The following FHIT variants were observed in gnomAD, a reference collection of about 807,000 sequenced individuals.
FHIT encodes bis(5'-adenosyl)-triphosphatase.
In FHIT, 19 loss-of-function variants were observed where a neutral mutation model predicts 17.9. That is an observed-to-expected ratio of 1.06 (90% CI 0.74 to 1.56). FHIT has a LOEUF of 1.56. FHIT is among the 40% of genes most tolerant of loss of function. The probability of loss-of-function intolerance (pLI) is 0.00; values close to 1 mark genes in which losing one functional copy is unlikely to be tolerated. For missense variants in FHIT, 248 were observed against 189.2 expected, an observed-to-expected ratio of 1.31 and a Z score of -1.82; for synonymous variants, 81 against 69.7, an observed-to-expected ratio of 1.16 and a Z score of -0.81.
rs80203148 is a variant in FHIT, at chr3:60,398,385, C to T, written c.103+138475G>A. Among the ~76,000 whole-genome samples the T allele has an allele frequency of 2.6e-5, 4 of 152,080 alleles. No homozygotes were observed. The East Asian group carries it at 7.7e-4, about 29-fold the overall frequency. On this transcript the variant is annotated intron_variant, in intron 5 of 9. Transcript: ENST00000492590. ...AAAGGACAATGCCAGTGTCCATGCT[C>T]TAAGAAAAATTTCAGCCAGCAAGAA...
At chr3:60,647,781 T>C (rs1553687165) in intron 4 of FHIT, among the ~76,000 whole-genome samples, 1 of 152,138 alleles carries the variant, frequency 6.6e-6, no homozygotes, top group Admixed American at 6.5e-5. Context: ...TACAGAAATA[T>C]GTAGAATACA....
At chr3:59,789,046 T>C (rs1460924512) in intron 8 of FHIT, among the ~76,000 whole-genome samples, 3 of 152,094 alleles carry the variant, frequency 2.0e-5, no homozygotes, top group Non-Finnish European at 4.4e-5. Flanking sequence ...TTTATCAACC[T>C]TTGCTACTTA....
intron 4 of FHIT, among the ~76,000 whole-genome samples, chr3:60,817,197 TG>T (rs1319549830): frequency 6.6e-6 from 1 of 152,100 alleles, no homozygotes; most frequent in Non-Finnish European, 1.5e-5. Flanking sequence ...GGATTACATC[TG>T]TACATATTAC....
At chr3:60,621,898 G>T (rs1332327110) in intron 4 of FHIT, among the ~76,000 whole-genome samples, 1 of 151,662 alleles carries the variant, frequency 6.6e-6, no homozygotes, top group African/African-American at 2.4e-5. Flanking sequence ...ACAATTACAT[G>T]GTCTGACAGT....
intron 1 of FHIT, among the ~76,000 whole-genome samples, chr3:61,224,044 C>T (rs2039905223): frequency 6.6e-6 from 1 of 152,186 alleles, no homozygotes; most frequent in Non-Finnish European, 1.5e-5. Context: ...CCCATCTCTA[C>T]TACCCCAAAA....
At chr3:59,885,949 A>G (rs770937317) in intron 8 of FHIT, among the ~76,000 whole-genome samples, 67 of 152,188 alleles carry the variant, frequency 4.4e-4, no homozygotes, top group Non-Finnish European at 6.9e-4. Context: ...GCCCTAAGAG[A>G]AGCTAATGCC....
intron 3 of FHIT, among the ~76,000 whole-genome samples, chr3:60,891,555 C>T (rs1705517923): frequency 6.6e-6 from 1 of 152,164 alleles, no homozygotes; most frequent in Non-Finnish European, 1.5e-5. Context: ...ATGCATAGAT[C>T]ACTTGATCTT....
chr3:59,910,042 G>C (rs1704793517), intron 8 of FHIT, among the ~76,000 whole-genome samples: 1 of 152,092 alleles, frequency 6.6e-6, no homozygotes, highest in African/African-American at 2.4e-5. Context: ...AGTGAATTTA[G>C]AAAGCTTATT....
At chr3:59,864,769 G>C (rs559751732) in intron 8 of FHIT, among the ~76,000 whole-genome samples, 1 of 151,750 alleles carries the variant, frequency 6.6e-6, no homozygotes, top group South Asian at 2.1e-4. Context: ...AAGGAAGAGG[G>C]GGCATTCAGA....
chr3:60,797,448 G>A (rs1701020590), intron 4 of FHIT, among the ~76,000 whole-genome samples: 1 of 143,366 alleles, frequency 7.0e-6, no homozygotes, highest in Admixed American at 6.9e-5. Flanking sequence ...CTGGCATAAA[G>A]AAATTGCAGT....
In FHIT at chr3:60,943,697, G is replaced by A. The variant is rs532525826; in HGVS notation, c.-111+98350C>T. Among the ~76,000 whole-genome samples the A allele has an allele frequency of 2.6e-5, 4 of 152,214 alleles. No homozygotes were observed. In the South Asian group the frequency reaches 6.2e-4, roughly 24 times the overall value. ...TAATTATGGCCTCTCACTGAACCAA[G>A]TACTGCATACCATAGCAAGCATTGC... is the stretch of plus-strand genomic sequence containing the variant. On this transcript the variant is annotated intron_variant, in intron 3 of 9. Transcript: ENST00000492590.
intron 2 of FHIT, among the ~76,000 whole-genome samples, chr3:61,177,182 A>G (rs1247808352): frequency 9.0e-6 from 1 of 111,714 alleles, no homozygotes; most frequent in Non-Finnish European, 1.8e-5. Context: ...ATCTCAAAAA[A>G]AAAAAAAAGA....
intron 5 of FHIT, among the ~76,000 whole-genome samples, chr3:60,075,497 T>G (rs1399160125): frequency 1.3e-5 from 2 of 152,176 alleles, no homozygotes; most frequent in Non-Finnish European, 2.9e-5. Context: ...ATTCGAGTGT[T>G]TGTTTAAAAT....
intron 4 of FHIT, among the ~76,000 whole-genome samples, chr3:60,615,075 G>C (rs937053567): frequency 1.3e-5 from 2 of 151,932 alleles, no homozygotes; most frequent in Admixed American, 6.6e-5. Context: ...TGATCTGCCT[G>C]CCTTGGCCTC....
chr3:61,156,227 G>C (rs2037529701), intron 2 of FHIT, among the ~76,000 whole-genome samples: 1 of 152,164 alleles, frequency 6.6e-6, no homozygotes, highest in Non-Finnish European at 1.5e-5. Context: ...ATGGCTGCAA[G>C]TACAACTATA....
At chr3:60,621,215 C>A (rs540934118) in intron 4 of FHIT, among the ~76,000 whole-genome samples, 1 of 133,160 alleles carries the variant, frequency 7.5e-6, no homozygotes, top group African/African-American at 2.9e-5. Flanking sequence ...GTGGCACTAT[C>A]TGGACACACC....
At chr3:60,099,980 T>G (rs1704124115) in intron 5 of FHIT, among the ~76,000 whole-genome samples, 2 of 152,194 alleles carry the variant, frequency 1.3e-5, no homozygotes, top group African/African-American at 2.4e-5. Context: ...TGTGTTGAAT[T>G]CTGTTCAAAC....
At chr3:60,216,032 T>C (rs972230992) in intron 5 of FHIT, among the ~76,000 whole-genome samples, 3 of 152,172 alleles carry the variant, frequency 2.0e-5, no homozygotes, top group African/African-American at 7.2e-5. Context: ...AGCACATCTT[T>C]GTAGGTCAAG....
At chr3:59,750,488 A>T (rs1285732777) in intron 9 of FHIT, 1 of 224,398 alleles carries the variant, frequency 4.5e-6, no homozygotes, top group African/African-American at 2.2e-5. Flanking sequence ...AGGTAAACTA[A>T]ACTAGCTTGA....
Sources: allele counts gnomAD v4.1 joint callset (sites outside exome capture counted in the v4.1 genomes callset), GRCh38; gene constraint gnomAD v4.1.1; transcripts MANE v1.5; gene names NCBI Gene and HGNC (gene_info 2026-07-23, HGNC 2026-07-21).